KIZ: variants seen among roughly 807,000 people sequenced by gnomAD.
The protein encoded by KIZ is centrosomal protein kizuna.
A neutral mutation model predicts 79.6 loss-of-function variants in KIZ; 68 were observed. The ratio of observed to expected loss-of-function variants is 0.85; its 90% CI spans 0.70 to 1.05. The LOEUF (loss-of-function observed/expected upper bound fraction) is 1.05. Among genes scored for constraint, KIZ ranks in the 50% least tolerant of loss-of-function variants. KIZ has a pLI of 0.00. For synonymous variants in KIZ, 280 were observed against 281.8 expected, an observed-to-expected ratio of 0.99 and a Z score of 0.06; for missense variants, 797 against 800.4, an observed-to-expected ratio of 1.00 and a Z score of 0.05.
intron 11 of KIZ, among the ~76,000 whole-genome samples, chr20:21,237,328 A>G (rs1453763647): frequency 2.0e-5 from 3 of 150,560 alleles, no homozygotes; most frequent in Non-Finnish European, 3.0e-5. Flanking sequence ...AAAAATAGAT[A>G]TTGACCATGA....
rs2032208148 is a variant in KIZ at position 21,136,625 on chromosome 20, A to G, written c.315+73A>G. On this transcript the variant is annotated intron_variant, in intron 3 of 12. Coordinates refer to ENST00000619189, the MANE Select transcript of KIZ (RefSeq NM_018474.6). Reference sequence around the variant, plus strand: ...TTTTTTTTTTTTTCTTCAAGATGAGACCTCACTGTGTTACCCAGGCTAGAC... The same window carrying G: ...TTTTTTTTTTTTTCTTCAAGATGAGGCCTCACTGTGTTACCCAGGCTAGAC... 6 of 1,089,302 alleles carry G rather than the reference A, an allele frequency of 5.5e-6. No homozygotes were observed. The South Asian group carries it at 1.0e-4, about 19-fold the overall frequency. The allele number at this position is 1,089,302 out of a possible 1,614,324, so 67.5% of individuals were successfully genotyped here.
intron 4 of KIZ, among the ~76,000 whole-genome samples, chr20:21,155,786 T>A (rs995324556): frequency 1.3e-5 from 2 of 152,256 alleles, no homozygotes; most frequent in Non-Finnish European, 2.9e-5. Context: ...TTTTATGACT[T>A]CATGACCTTT....
At chr20:21,197,304 C>T (rs1012911807) in intron 6 of KIZ, 4 of 152,194 alleles carry the variant, frequency 2.6e-5, no homozygotes, top group Non-Finnish European at 5.9e-5. Flanking sequence ...CTTTCCATGC[C>T]TTCCTATTCT....
intron 11 of KIZ, among the ~76,000 whole-genome samples, 172 bp from the exon 12 acceptor site, chr20:21,244,073 A>G (rs550152368): frequency 3.3e-5 from 5 of 152,302 alleles, no homozygotes; most frequent in African/African-American, 9.6e-5. Context: ...CCCTCCCGAC[A>G]AGGCCACGCT....
At chr20:21,132,286 T>C in intron 2 of KIZ, 127 bp downstream of exon 2, 2 of 566,828 alleles carry the variant, frequency 3.5e-6, no homozygotes, top group Non-Finnish European at 6.2e-6. Flanking sequence ...TTGTTTAGTT[T>C]TTTTGAGATG....
At chr20:21,236,332 A>T (rs2123471634) in intron 11 of KIZ, among the ~76,000 whole-genome samples, 1 of 152,144 alleles carries the variant, frequency 6.6e-6, no homozygotes, top group South Asian at 2.1e-4. Context: ...TTTCTGGATT[A>T]TTTTTTGCCT....
intron 6 of KIZ, 77 bp downstream of exon 6, chr20:21,163,236 G>A: frequency 1.0e-6 from 1 of 974,520 alleles, no homozygotes; most frequent in South Asian, 1.6e-5. Flanking sequence ...CACTGGGAAT[G>A]TATTATCGAG....
At chr20:21,218,479 C>CA (rs2036385222) in intron 9 of KIZ, 1 of 152,280 alleles carries the variant, frequency 6.6e-6, no homozygotes, top group Non-Finnish European at 1.5e-5. Flanking sequence ...TCAATTAATA[C>CA]ATATTTTGTT....
chr20:21,148,494 C>CA (rs1272789730), intron 4 of KIZ, among the ~76,000 whole-genome samples: 1 of 152,084 alleles, frequency 6.6e-6, no homozygotes, highest in African/African-American at 2.4e-5. Context: ...AGTCAGCTTA[C>CA]AAAAAATGTG....
chr20:21,239,316 A>G (rs988878902), intron 11 of KIZ, among the ~76,000 whole-genome samples: 3 of 152,158 alleles, frequency 2.0e-5, no homozygotes, highest in Admixed American at 6.5e-5. Flanking sequence ...TCCCTGCCCT[A>G]CTGTTTTACT....
At chr20:21,205,167 A>C (rs999756977) in intron 6 of KIZ, among the ~76,000 whole-genome samples, 1 of 152,204 alleles carries the variant, frequency 6.6e-6, no homozygotes, top group East Asian at 1.9e-4. Flanking sequence ...TAAAATGTTT[A>C]AAAAGTCCAC....
chr20:21,134,574 A>C (rs1260797430), intron 2 of KIZ, among the ~76,000 whole-genome samples: 3 of 151,182 alleles, frequency 2.0e-5, no homozygotes, highest in Admixed American at 6.6e-5. Flanking sequence ...GCTTTCTGAC[A>C]TGCTGTTCCC....
chr20:21,136,423 T>A lies in KIZ; in HGVS notation c.186T>A (p.Tyr62Ter). ...TGAAATATGTAAAACTAAAGAATTA[T>A]CTGAAGGAAATATGTGAATCTGAAA... is the stretch of plus-strand genomic sequence containing the variant. ...VKLKYVKLKN[Y>*]LKEICESEKK... Residue 62 changes from tyrosine to a stop codon, truncating the protein, a stop_gained, in exon 3 of 13, where the codon TAT (tyrosine) becomes TAA (stop). Coordinates refer to ENST00000619189, the MANE Select transcript of KIZ (RefSeq NM_018474.6). LOFTEE classifies it high-confidence loss of function. 1 of 1,558,002 alleles carries A rather than the reference T, an allele frequency of 6.4e-7. No individual in the cohort carries two copies. The highest frequency in any genetic ancestry group is 8.7e-7 in the Non-Finnish European group (1 of 1,143,756).
At chr20:21,166,604 G>C in intron 6 of KIZ, 3 of 1,208,120 alleles carry the variant, frequency 2.5e-6, no homozygotes, top group Non-Finnish European at 3.6e-6. Flanking sequence ...CATTGTGGCG[G>C]TGCGGAAAGA....
chr20:21,244,262 A>G lies in KIZ; in HGVS notation c.1898A>G (p.Lys633Arg). 1 of 1,603,398 alleles carries G rather than the reference A, an allele frequency of 6.2e-7. No individual in the cohort carries two copies. Among genetic ancestry groups the G allele is most frequent in the Non-Finnish European group, 8.5e-7 (1 of 1,170,628 alleles). The change falls in exon 12 of 13, where the codon AAA (lysine) becomes AGA (arginine). Residue 633 changes from lysine to arginine, a missense_variant. Transcript: ENST00000619189. ...SPLSRHENKK[K>R]PVINLKSNAL... is the part of the protein sequence containing the mutation. ...TTTTGCAGGCATGAAAACAAAAAGA[A>G]ACCCGTGATCAATTTAAAATCTAAT...
At chr20:21,216,617 T>A (rs2036304794) in intron 9 of KIZ, among the ~76,000 whole-genome samples, 1 of 152,216 alleles carries the variant, frequency 6.6e-6, no homozygotes, top group Non-Finnish European at 1.5e-5. Flanking sequence ...ATGATATGTT[T>A]ATTGTGTTTT....
At chr20:21,179,578 T>C (rs1395410897) in intron 6 of KIZ, among the ~76,000 whole-genome samples, 1 of 152,054 alleles carries the variant, frequency 6.6e-6, no homozygotes, top group African/African-American at 2.4e-5. Flanking sequence ...TTTTCATTTA[T>C]CTCTGATCAT....
intron 6 of KIZ, among the ~76,000 whole-genome samples, chr20:21,183,087 C>T (rs1442186310): frequency 6.6e-6 from 1 of 152,100 alleles, no homozygotes; most frequent in East Asian, 1.9e-4. Context: ...GGCAACTGCA[C>T]GATTGCTAAA....
intron 6 of KIZ, among the ~76,000 whole-genome samples, chr20:21,191,862 C>G (rs1008163546): frequency 2.0e-5 from 3 of 150,498 alleles, no homozygotes; most frequent in Non-Finnish European, 4.4e-5. Flanking sequence ...AAAAAAAAAG[C>G]AGCCCCAAAC....
Sources: gnomAD v4.1 joint callset for allele counts (sites outside exome capture counted in the v4.1 genomes callset) on GRCh38, gnomAD v4.1.1 for gene constraint, MANE v1.5 for transcripts, NCBI Gene and HGNC (gene_info 2026-07-23, HGNC 2026-07-21) for gene names.